POMC: variants seen among roughly 807,000 people sequenced by gnomAD.
POMC encodes the protein pro-opiomelanocortin.
A neutral mutation model predicts 18.5 loss-of-function variants in POMC; 19 were observed. That is an observed-to-expected ratio of 1.03 (90% confidence interval 0.72 to 1.51). POMC has a LOEUF of 1.51. Among genes scored for constraint, POMC ranks in the 40% most tolerant of loss-of-function variants. POMC has a pLI of 0.00. For synonymous variants in POMC, 179 were observed against 161.9 expected, an observed-to-expected ratio of 1.11 and a Z score of -0.80; for missense variants, 451 against 379.0, an observed-to-expected ratio of 1.19 and a Z score of -1.58.
intron 1 of POMC, 84 bp from the exon 2 acceptor site, chr2:25,164,876 A>AT (rs1349611590): frequency 2.8e-5 from 41 of 1,445,708 alleles, no homozygotes; most frequent in Non-Finnish European, 3.9e-5. Flanking sequence ...TTGAGCCAAC[A>AT]TTAACAACAC....
intron 1 of POMC, among the ~76,000 whole-genome samples, chr2:25,166,882 A>G (rs1671574673): frequency 2.0e-5 from 3 of 152,268 alleles, no homozygotes; most frequent in Non-Finnish European, 4.4e-5. Flanking sequence ...ATGAACAAAT[A>G]GTACCTTTTG....
Position 25,161,865 on chromosome 2 carries a change from A to G in POMC, c.133-113T>C. The G allele has an allele frequency of 2.1e-6, 3 of 1,440,314 alleles. No homozygotes were observed. Among genetic ancestry groups the G allele is most frequent in the Non-Finnish European group, 2.7e-6 (3 of 1,099,350 alleles). 89.2% of individuals were successfully genotyped at this position (1,440,314 alleles called of 1,614,324 possible). ...CGCCCTCGCCACGTGCCGAGGACAC[A>G]GGGCACAGTGTCGGGCGTGTCAAGC... On this transcript the variant is annotated intron_variant, in intron 2 of 2. Transcript: ENST00000395826. The surrounding 1 kb of genome is among the most constrained non-coding windows in gnomAD (Gnocchi z 5.7).
intron 1 of POMC, among the ~76,000 whole-genome samples, chr2:25,166,425 T>C (rs778090879): frequency 3.9e-5 from 6 of 152,224 alleles, no homozygotes; most frequent in African/African-American, 1.2e-4. Flanking sequence ...AAGTTGACCA[T>C]AGCACATTTA....
chr2:25,166,312 T>A (rs1299118253), intron 1 of POMC, among the ~76,000 whole-genome samples: 1 of 152,166 alleles, frequency 6.6e-6, no homozygotes, highest in Admixed American at 6.5e-5. Context: ...CTTGGTGTCC[T>A]CTCCTGGCTC....
chr2:25,167,239 A>T (rs1573256347), intron 1 of POMC, among the ~76,000 whole-genome samples: 1 of 152,216 alleles, frequency 6.6e-6, no homozygotes, highest in East Asian at 1.9e-4. Flanking sequence ...TAAGTCATTA[A>T]AGTGGCCATA....
Position 25,164,783 on chromosome 2 carries a change from G to T in POMC, c.-11C>A, listed in dbSNP as rs753856820. 2.5e-5 allele frequency: 41 copies of T among 1,613,334 alleles called. No individual in the cohort carries two copies. The highest frequency in any genetic ancestry group is 3.5e-5 in the Non-Finnish European group (41 of 1,180,028). ...GCACGATCTCGGCATCTTCCAGGCA[G>T]GCTGAGGCTCTGCAGAAGCAAACAA... On this transcript the variant is annotated 5_prime_UTR_variant, in exon 2 of 3. It adds an upstream start codon to the 5' untranslated region. Transcript: ENST00000395826.
At chr2:25,163,351 G>T (rs1000208527) in intron 2 of POMC, among the ~76,000 whole-genome samples, 1 of 152,208 alleles carries the variant, frequency 6.6e-6, no homozygotes, top group Admixed American at 6.5e-5. Flanking sequence ...ACCCTCCCTG[G>T]TGAGCTGTGC....
intron 1 of POMC, among the ~76,000 whole-genome samples, chr2:25,166,142 C>T (rs1405095806): frequency 3.3e-5 from 5 of 152,272 alleles, no homozygotes; most frequent in East Asian, 3.8e-4. Flanking sequence ...ACCCCACCCT[C>T]GCCCTATTCC....
chr2:25,161,606 G>A lies in POMC; in HGVS notation c.279C>T (p.Ser93=). 6.4e-7 allele frequency: 1 copy of A among 1,556,294 alleles called. No homozygotes were observed. The highest frequency in any genetic ancestry group is 8.7e-7 in the Non-Finnish European group (1 of 1,150,112). Residue 93 remains serine, a synonymous_variant, in exon 3 of 3, where the codon AGC becomes AGT. Transcript: ENST00000395826. This position sits in a 1 kb window ranked among gnomAD's most constrained non-coding sequence, Gnocchi z 5.7. ...GCCCTGCGCCGCTGCTGCCGCTGCT[G>A]CTGCTGTTGCGGCGGCCGAATCGGT... ...RWDRFGRRNS[S]SSGSSGAGQK... is the part of the protein sequence containing the mutation.
chr2:25,161,632 C>A lies in POMC; in HGVS notation c.253G>T (p.Asp85Tyr). 1 of 1,552,520 alleles carries A rather than the reference C, an allele frequency of 6.4e-7. No homozygotes were observed. The highest frequency in any genetic ancestry group is 1.2e-5 in the South Asian group (1 of 84,382). The change falls in exon 3 of 3, where the codon GAC becomes TAC. Residue 85 changes from aspartate (D) to tyrosine (Y), a missense_variant. Physicochemically the swap from Asp to Tyr is radical, Grantham distance 160. Transcript: ENST00000395826. The surrounding 1 kb of genome is among the most constrained non-coding windows in gnomAD (Gnocchi z 5.7). ...RKYVMGHFRW[D>Y]RFGRRNSSSS... ...CTGCTGTTGCGGCGGCCGAATCGGT[C>A]CCAGCGGAAGTGGCCCATGACGTAC...
chr2:25,164,840 A>T, intron 1 of POMC, 48 bp from the exon 2 acceptor site: 1 of 1,602,940 alleles, frequency 6.2e-7, no homozygotes, highest in Non-Finnish European at 8.5e-7. Flanking sequence ...GAGCAAAACA[A>T]TGTTGGCCAC....
In POMC at chr2:25,161,189, G is replaced by A. The variant is rs905449476; in HGVS notation, c.696C>T (p.Pro232=). 3.1e-6 allele frequency: 5 copies of A among 1,613,802 alleles called. No individual in the cohort carries two copies. In the African/African-American group the frequency reaches 5.3e-5, roughly 17 times the overall value. ...RMEHFRWGSP[P]KDKRYGGFMT... The stretch of plus-strand genomic sequence containing the variant: ...TGAAACCGCCGTAGCGCTTGTCCTT[G>A]GGCGGGCTGCCCCAGCGGAAGTGCT... Residue 232 remains proline (P), a synonymous_variant, in exon 3 of 3, where the codon CCC becomes CCT. Transcript: ENST00000395826. The surrounding 1 kb of genome is among the most constrained non-coding windows in gnomAD (Gnocchi z 5.7).
chr2:25,163,399 C>T (rs1671456774), intron 2 of POMC, among the ~76,000 whole-genome samples: 1 of 152,192 alleles, frequency 6.6e-6, no homozygotes, highest in Non-Finnish European at 1.5e-5. Context: ...TGGGTCTTTC[C>T]AAACTGGAAC....
chr2:25,168,143 A>C lies in POMC; in HGVS notation c.-21+355T>G, dbSNP rs1004248287. Among the ~76,000 whole-genome samples, 9 of 146,800 alleles carry C rather than the reference A, an allele frequency of 6.1e-5. No individual in the cohort carries two copies. The highest frequency in any genetic ancestry group is 1.2e-4 in the Non-Finnish European group (8 of 67,050). ...CTCTCCAGCATGGGCAACAAGAGCG[A>C]AACTCCGTCTCAAAAAAAAAAAAAA... On this transcript the variant is annotated intron_variant, in intron 1 of 2. Coordinates refer to ENST00000395826, the MANE Select transcript of POMC (RefSeq NM_000939.4). This position sits in a 1 kb window ranked among gnomAD's most constrained non-coding sequence, Gnocchi z 5.2.
intron 1 of POMC, 45 bp from the exon 2 acceptor site, chr2:25,164,837 A>C: frequency 1.2e-6 from 2 of 1,606,646 alleles, no homozygotes; most frequent in Non-Finnish European, 1.7e-6. Context: ...AAGGAGCAAA[A>C]CAATGTTGGC....
At chr2:25,166,418 T>C (rs1234096605) in intron 1 of POMC, among the ~76,000 whole-genome samples, 1 of 152,236 alleles carries the variant, frequency 6.6e-6, no homozygotes, top group African/African-American at 2.4e-5. Flanking sequence ...AAGCTCCAAG[T>C]TGACCATAGC....
In POMC at chr2:25,164,769, G is replaced by A. The variant is rs752925315; in HGVS notation, c.4C>T (p.Pro2Ser). 8.7e-6 allele frequency: 14 copies of A among 1,613,590 alleles called. No individual in the cohort carries two copies. The highest frequency in any genetic ancestry group is 1.1e-5 in the Non-Finnish European group (13 of 1,180,028). Reference protein sequence around the residue: MPRSCCSRSGAL... With the variant: MSRSCCSRSGAL... ...CCCGAGCGGCTGCAGCACGATCTCG[G>A]CATCTTCCAGGCAGGCTGAGGCTCT... The change falls in exon 2 of 3, where the codon CCG (proline) becomes TCG (serine). Residue 2 changes from proline (P) to serine (S), a missense_variant. Pro to Ser is a moderately conservative substitution (Grantham distance 74). Coordinates refer to ENST00000395826, the MANE Select transcript of POMC (RefSeq NM_000939.4).
At chr2:25,167,282 CA>C (rs940626086) in intron 1 of POMC, among the ~76,000 whole-genome samples, 36 of 151,970 alleles carry the variant, frequency 2.4e-4, no homozygotes, top group African/African-American at 8.5e-4. Context: ...GACACACACA[CA>C]AAAAAAATCC....
At chr2:25,164,160 A>G (rs568434695) in intron 2 of POMC, among the ~76,000 whole-genome samples, 308 of 151,692 alleles carry the variant, frequency 2.0e-3, no homozygotes, top group African/African-American at 5.5e-3. Flanking sequence ...AAAAAAAAAA[A>G]GGGCCCCTGG....
Sources: allele counts gnomAD v4.1 joint callset (sites outside exome capture counted in the v4.1 genomes callset), GRCh38; gene constraint gnomAD v4.1.1; non-coding constraint Gnocchi (gnomAD v3.1); transcripts MANE v1.5; gene names NCBI Gene and HGNC (gene_info 2026-07-23, HGNC 2026-07-21).